Variants in ZC3H12C observed in about 807,000 individuals in gnomAD.
The protein encoded by ZC3H12C is zinc finger CCCH-type containing 12C, also known as probable ribonuclease ZC3H12C.
Under a neutral mutation model 76.3 loss-of-function variants are expected in ZC3H12C, and 20 were observed. That is an observed-to-expected ratio of 0.26 (90% CI 0.18 to 0.38). ZC3H12C has a LOEUF of 0.38. ZC3H12C is among the 10% of genes least tolerant of loss of function. The pLI, the probability that ZC3H12C is intolerant of heterozygous loss-of-function variation, is 1.00. For synonymous variants in ZC3H12C, 352 were observed against 399.6 expected, an observed-to-expected ratio of 0.88 and a Z score of 1.42; for missense variants, 874 against 1,086.5, an observed-to-expected ratio of 0.80 and a Z score of 2.75.
At chr11:110,144,370 A>T (rs532602848) in intron 2 of ZC3H12C, among the ~76,000 whole-genome samples, 5 of 152,202 alleles carry the variant, frequency 3.3e-5, no homozygotes, top group African/African-American at 1.2e-4. Context: ...TCACAACGCT[A>T]TGAGGTAGGT....
At chr11:110,142,700 T>A (rs760110324) in intron 2 of ZC3H12C, among the ~76,000 whole-genome samples, 2 of 152,204 alleles carry the variant, frequency 1.3e-5, no homozygotes, top group Non-Finnish European at 2.9e-5. Flanking sequence ...TGTTAAATAT[T>A]TTTGTTGTCC....
intron 1 of ZC3H12C, among the ~76,000 whole-genome samples, chr11:110,120,238 CT>C (rs1451946275): frequency 1.3e-5 from 2 of 152,218 alleles, no homozygotes; most frequent in African/African-American, 4.8e-5. Context: ...AATATATGCC[CT>C]TGTTTTATGT....
At chr11:110,136,484 C>G in intron 1 of ZC3H12C, 179 bp from the exon 2 acceptor site, 1 of 627,358 alleles carries the variant, frequency 1.6e-6, no homozygotes, top group Non-Finnish European at 2.6e-6. Context: ...TAATTTATGA[C>G]TTCTTCATCT....
chr11:110,139,869 C>CTTTTTTTTTTTTTTTTTTTTTTTCTT (rs58867910), intron 2 of ZC3H12C, among the ~76,000 whole-genome samples: 1 of 131,528 alleles, frequency 7.6e-6, no homozygotes. Flanking sequence ...CATATATTTT[C>CTTTTTTTTTTTTTTTTTTTTTTTCTT]TTTTTTTTTT....
intron 2 of ZC3H12C, among the ~76,000 whole-genome samples, chr11:110,149,314 C>G (rs887858254): frequency 2.6e-5 from 4 of 152,208 alleles, no homozygotes; most frequent in Non-Finnish European, 5.9e-5. Flanking sequence ...AAGATAAGAA[C>G]AGTAGCTTGC....
At position 110,163,391 on chromosome 11, in the gene ZC3H12C, T is replaced by A. The variant is rs1333711735; in HGVS notation, c.1255+12T>A. Reference sequence around the variant, plus strand: ...GCCTTGTCCATATGGTAACTTGCTTTGTGAATATTGGGTATATGCCTTTAG... The same window carrying A: ...GCCTTGTCCATATGGTAACTTGCTTAGTGAATATTGGGTATATGCCTTTAG... On this transcript the variant is annotated intron_variant, in intron 5 of 5. Transcript: ENST00000278590. 1 of 1,600,342 alleles carries A rather than the reference T, an allele frequency of 6.2e-7. No homozygotes were observed. Among genetic ancestry groups the A allele is most frequent in the South Asian group, 1.1e-5 (1 of 88,862 alleles).
chr11:110,153,159 C>A (rs1265065570), intron 3 of ZC3H12C, 101 bp downstream of exon 3: 7 of 1,385,982 alleles, frequency 5.1e-6, no homozygotes, highest in Non-Finnish European at 4.8e-6. Context: ...ACTTGCTCAG[C>A]GCAGGCAGTG....
At chr11:110,098,915 C>T (rs1262751815) in intron 1 of ZC3H12C, among the ~76,000 whole-genome samples, 1 of 152,130 alleles carries the variant, frequency 6.6e-6, no homozygotes, top group African/African-American at 2.4e-5. Context: ...TAATACGTGT[C>T]AATAGATTTG....
At chr11:110,126,369 C>G (rs1243729891) in intron 1 of ZC3H12C, among the ~76,000 whole-genome samples, 1 of 151,782 alleles carries the variant, frequency 6.6e-6, no homozygotes, top group African/African-American at 2.4e-5. Context: ...GCATGTGCCA[C>G]TATGCCTGGC....
At chr11:110,096,471 A>G (rs1861114923) in intron 1 of ZC3H12C, among the ~76,000 whole-genome samples, 1 of 152,166 alleles carries the variant, frequency 6.6e-6, no homozygotes, top group Non-Finnish European at 1.5e-5. Flanking sequence ...ACCCTTGAAC[A>G]CCTTTATGCA....
chr11:110,108,125 GT>G (rs1861364276), intron 1 of ZC3H12C, among the ~76,000 whole-genome samples: 1 of 151,576 alleles, frequency 6.6e-6, no homozygotes, highest in Non-Finnish European at 1.5e-5. Flanking sequence ...TTTTTGTTTT[GT>G]TTTGTTTTTG....
intron 2 of ZC3H12C, among the ~76,000 whole-genome samples, chr11:110,143,370 T>A (rs1862101635): frequency 6.6e-6 from 1 of 152,122 alleles, no homozygotes; most frequent in African/African-American, 2.4e-5. Context: ...TCATTTTTTT[T>A]AGAGTCCTTT....
chr11:110,136,412 TA>T, intron 1 of ZC3H12C: 1 of 398,702 alleles, frequency 2.5e-6, no homozygotes, highest in Non-Finnish European at 4.5e-6. Flanking sequence ...CGAAACTGGG[TA>T]AAAAAATACA....
At chr11:110,140,130 C>T (rs1360521255) in intron 2 of ZC3H12C, among the ~76,000 whole-genome samples, 2 of 152,026 alleles carry the variant, frequency 1.3e-5, no homozygotes, top group Admixed American at 1.3e-4. Flanking sequence ...GGCAAAATCC[C>T]ATCTCTACTA....
chr11:110,167,082 T>A lies in ZC3H12C; in HGVS notation c.*1345T>A, dbSNP rs1448729404. The A allele has an allele frequency of 6.6e-6, 1 of 152,222 alleles. No individual in the cohort carries two copies. Among genetic ancestry groups the A allele is most frequent in the Non-Finnish European group, 1.5e-5 (1 of 68,028 alleles). 9.4% of individuals were successfully genotyped at this position (152,222 alleles called of 1,614,324 possible). A position where few individuals can be genotyped will look rare whatever the true frequency, so the allele number is the denominator to read the frequency against. The stretch of plus-strand genomic sequence containing the variant: ...AGTAGAAGATAGATTTTGCAGTCAG[T>A]GGCAGACAGTTGTGTGATTGACATC... On this transcript the variant is annotated 3_prime_UTR_variant, in exon 6 of 6. Transcript: ENST00000278590.
intron 1 of ZC3H12C, among the ~76,000 whole-genome samples, chr11:110,108,789 A>G (rs1861377804): frequency 6.6e-6 from 1 of 152,180 alleles, no homozygotes; most frequent in Non-Finnish European, 1.5e-5. Context: ...CTAAAACAGA[A>G]TTTTTATCCC....
chr11:110,131,168 A>C, intron 1 of ZC3H12C: 1 of 1,256,300 alleles, frequency 8.0e-7, no homozygotes, highest in African/African-American at 1.5e-5. Context: ...TCAGAGTATT[A>C]ATTTGAACTC....
chr11:110,148,740 C>G (rs2134187733), intron 2 of ZC3H12C, among the ~76,000 whole-genome samples: 1 of 152,322 alleles, frequency 6.6e-6, no homozygotes, highest in Non-Finnish European at 1.5e-5. Context: ...CAGAAAACCC[C>G]TGCATCCATG....
chr11:110,155,441 G>C (rs1862359467), intron 3 of ZC3H12C, among the ~76,000 whole-genome samples: 1 of 151,996 alleles, frequency 6.6e-6, no homozygotes, highest in South Asian at 2.1e-4. Flanking sequence ...GGATCCACTA[G>C]TTCCCCTTCT....
Sources: allele counts gnomAD v4.1 joint callset (sites outside exome capture counted in the v4.1 genomes callset), GRCh38; gene constraint gnomAD v4.1.1; transcripts MANE v1.5; gene names NCBI Gene and HGNC (gene_info 2026-07-23, HGNC 2026-07-21).